The following CDH12 variants were observed in gnomAD, a reference collection of about 807,000 sequenced individuals.
The protein encoded by CDH12 is cadherin-12.
A neutral mutation model predicts 74.1 loss-of-function variants in CDH12; 41 were observed. The observed-to-expected ratio is 0.55, with a 90% CI of 0.43 to 0.72. CDH12 has a LOEUF of 0.72. Ranked by LOEUF, CDH12 falls within the 30% of genes least tolerant of loss-of-function variation. CDH12 has a pLI of 0.00. For synonymous variants in CDH12, 399 were observed against 355.0 expected (o/e 1.12, Z -1.39); for missense variants, 945 against 977.2 (o/e 0.97, Z 0.44).
chr5:22,257,617 A>C (rs910735282), intron 3 of CDH12, among the ~76,000 whole-genome samples: 9 of 151,796 alleles, frequency 5.9e-5, no homozygotes, highest in Admixed American at 6.6e-5. Context: ...CTCCTCCCTC[A>C]GCCTCCGGAT....
intron 4 of CDH12, among the ~76,000 whole-genome samples, chr5:22,211,416 T>C (rs1311266164): frequency 6.6e-6 from 1 of 152,174 alleles, no homozygotes; most frequent in African/African-American, 2.4e-5. Flanking sequence ...TGATTGCTAT[T>C]CTTCAGTATT....
chr5:22,281,117 A>T (rs759038256), intron 3 of CDH12, among the ~76,000 whole-genome samples: 2 of 152,222 alleles, frequency 1.3e-5, no homozygotes, highest in African/African-American at 2.4e-5. Context: ...AACCAAAGAC[A>T]AAAAGCACAT....
intron 6 of CDH12, among the ~76,000 whole-genome samples, chr5:21,944,136 C>T (rs978610309): frequency 6.6e-6 from 1 of 152,166 alleles, no homozygotes; most frequent in Admixed American, 6.5e-5. Context: ...AACTGAGCCG[C>T]AGTGCTTTGA....
At chr5:22,280,804 G>A (rs549167925) in intron 3 of CDH12, among the ~76,000 whole-genome samples, 9 of 152,322 alleles carry the variant, frequency 5.9e-5, no homozygotes, top group African/African-American at 2.2e-4. Context: ...ACAAGGAGGA[G>A]CTGGTACCAT....
chr5:22,544,966 G>C (rs902183534), intron 1 of CDH12, among the ~76,000 whole-genome samples: 4 of 147,484 alleles, frequency 2.7e-5, no homozygotes, highest in Non-Finnish European at 6.0e-5. Flanking sequence ...ATTCTAGTGA[G>C]ATGTGGCAAA....
intron 3 of CDH12, among the ~76,000 whole-genome samples, chr5:22,244,954 G>A (rs1283548718): frequency 6.6e-6 from 1 of 152,062 alleles, no homozygotes; most frequent in Non-Finnish European, 1.5e-5. Context: ...ATCTAGAAAA[G>A]AGCATTCCTG....
intron 5 of CDH12, among the ~76,000 whole-genome samples, chr5:21,996,381 A>ATGG (rs1261870233): frequency 6.6e-6 from 1 of 152,156 alleles, no homozygotes; most frequent in African/African-American, 2.4e-5. Flanking sequence ...AGAAAACCAA[A>ATGG]TGGTCTTCAT....
chr5:22,487,188 G>C (rs981411180), intron 2 of CDH12, among the ~76,000 whole-genome samples: 3 of 151,932 alleles, frequency 2.0e-5, no homozygotes, highest in African/African-American at 7.3e-5. Context: ...TTTTAGTAGA[G>C]ATGGGGTTTC....
At chr5:21,863,332 T>C (rs1312991474) in intron 6 of CDH12, among the ~76,000 whole-genome samples, 1 of 152,140 alleles carries the variant, frequency 6.6e-6, no homozygotes, top group African/African-American at 2.4e-5. Context: ...GTGTGAACTC[T>C]TTCATTTCTG....
At chr5:22,103,207 TC>T (rs1196415963) in intron 4 of CDH12, among the ~76,000 whole-genome samples, 1 of 152,156 alleles carries the variant, frequency 6.6e-6, no homozygotes, top group African/African-American at 2.4e-5. Context: ...TGGAAGTAAA[TC>T]TGACAACCTT....
intron 4 of CDH12, among the ~76,000 whole-genome samples, chr5:22,183,994 C>T (rs958213551): frequency 6.7e-6 from 1 of 149,636 alleles, no homozygotes; most frequent in African/African-American, 2.5e-5. Context: ...GGCTAGTTTG[C>T]AAAGGAAGAA....
intron 2 of CDH12, among the ~76,000 whole-genome samples, chr5:22,458,567 A>G (rs1332206620): frequency 6.6e-6 from 1 of 152,234 alleles, no homozygotes; most frequent in African/African-American, 2.4e-5. Context: ...TGAAAGGCCA[A>G]CAATTGGGGA....
chr5:22,252,195 T>C (rs1180419829), intron 3 of CDH12, among the ~76,000 whole-genome samples: 62 of 151,998 alleles, frequency 4.1e-4, no homozygotes, highest in Admixed American at 4.0e-3. Flanking sequence ...AGATAAATAC[T>C]ACAGAAGGGA....
chr5:22,361,197 A>C (rs1740786443), intron 3 of CDH12, among the ~76,000 whole-genome samples: 1 of 152,174 alleles, frequency 6.6e-6, no homozygotes, highest in African/African-American at 2.4e-5. Context: ...TCTCAGCCCA[A>C]AATCTCCTTA....
intron 10 of CDH12, among the ~76,000 whole-genome samples, chr5:21,791,845 C>T (rs1231713627): frequency 2.0e-5 from 3 of 151,734 alleles, no homozygotes; most frequent in Non-Finnish European, 1.5e-5. Flanking sequence ...AAGCATTTCC[C>T]TTAAAATTGT....
intron 5 of CDH12, among the ~76,000 whole-genome samples, chr5:22,038,462 C>T (rs987977611): frequency 6.6e-6 from 1 of 152,154 alleles, no homozygotes; most frequent in African/African-American, 2.4e-5. Context: ...CATCAGGGCC[C>T]AGGCTAAAGC....
chr5:22,361,640 G>A (rs977766735), intron 3 of CDH12, among the ~76,000 whole-genome samples: 8 of 152,138 alleles, frequency 5.3e-5, no homozygotes, highest in African/African-American at 1.9e-4. Context: ...TAAGCCAAAA[G>A]AAGAAAATTG....
chr5:22,522,918 T>C (rs942360754), intron 1 of CDH12, among the ~76,000 whole-genome samples: 2 of 152,158 alleles, frequency 1.3e-5, no homozygotes, highest in Non-Finnish European at 2.9e-5. Context: ...TGTCTTTCAC[T>C]AAAAAATTTC....
Position 21,817,096 on chromosome 5 carries a change from A to G in CDH12, c.851T>C (p.Ile284Thr), listed in dbSNP as rs1748101319. 2 of 1,611,980 alleles carry G rather than the reference A, an allele frequency of 1.2e-6. No individual in the cohort carries two copies. The highest frequency in any genetic ancestry group is 2.7e-5 in the African/African-American group (2 of 74,788). Residue 284 changes from isoleucine to threonine, a missense_variant, in exon 9 of 15, where the codon ATT becomes ACT. By Grantham distance (89) the Ile-to-Thr change is moderately conservative (BLOSUM62 -1). Transcript: ENST00000382254. ...TCTTATTCTTCCAATAGCTGAACCA[A>G]TAGGGGAAGACTCAGGAACTTTCAA... The part of the protein sequence containing the change: ...FHLKVPESSP[I>T]GSAIGRIRAV...
Sources: allele counts gnomAD v4.1 joint callset (sites outside exome capture counted in the v4.1 genomes callset), GRCh38; gene constraint gnomAD v4.1.1; transcripts MANE v1.5; gene names NCBI Gene and HGNC (gene_info 2026-07-23, HGNC 2026-07-21).